Variants in TMEM266 observed in about 807,000 individuals in gnomAD.
TMEM266 encodes the protein transmembrane protein 266, also known as Hv1 related protein 1.
In TMEM266, 33 loss-of-function variants were observed where a neutral mutation model predicts 50.5. That is an observed-to-expected ratio of 0.65 (90% CI 0.50 to 0.87). TMEM266 has a LOEUF of 0.87. Ranked by LOEUF, TMEM266 falls within the 40% of genes least tolerant of loss-of-function variation. The pLI, the probability that TMEM266 is intolerant of heterozygous loss-of-function variation, is 0.00. For missense variants in TMEM266, 655 were observed against 695.1 expected (o/e 0.94, Z 0.65); for synonymous variants, 310 against 292.3 (o/e 1.06, Z -0.62).
chr15:76,201,231 T>G (rs116017456), intron 9 of TMEM266, among the ~76,000 whole-genome samples: 3,591 of 152,284 alleles, frequency 0.024, 139 homozygotes, highest in African/African-American at 0.083. Flanking sequence ...CAGACCATCC[T>G]GTGGCCCCTC....
chr15:76,171,623 T>C (rs1391485549), intron 7 of TMEM266, among the ~76,000 whole-genome samples: 1 of 152,232 alleles, frequency 6.6e-6, no homozygotes, highest in African/African-American at 2.4e-5. Context: ...CACAAGCCCA[T>C]TGACCTGCAA....
At chr15:76,117,305 T>C (rs750760593) in intron 1 of TMEM266, among the ~76,000 whole-genome samples, 3 of 152,130 alleles carry the variant, frequency 2.0e-5, no homozygotes, top group Non-Finnish European at 4.4e-5. Context: ...TACTGATGGC[T>C]TCTCAGAGAC....
At chr15:76,101,326 T>C (rs10519121) in intron 1 of TMEM266, among the ~76,000 whole-genome samples, 9,621 of 152,246 alleles carry the variant, frequency 0.063, 399 homozygotes, top group Middle Eastern at 0.11. Context: ...CAGAACCTTA[T>C]TTACAGGCAC....
At chr15:76,174,382 C>G (rs1291413347) in intron 7 of TMEM266, among the ~76,000 whole-genome samples, 1 of 152,002 alleles carries the variant, frequency 6.6e-6, no homozygotes, top group Non-Finnish European at 1.5e-5. Context: ...GAAATCCCAT[C>G]TCTACTAAAA....
chr15:76,184,401 G>C (rs932653388), intron 8 of TMEM266, among the ~76,000 whole-genome samples: 2 of 152,196 alleles, frequency 1.3e-5, no homozygotes, highest in Non-Finnish European at 1.5e-5. Context: ...CATCTTCACA[G>C]TGGATGGAAA....
rs2038801235 is a variant in TMEM266 at position 76,204,220 on chromosome 15, G to A, written c.1501G>A (p.Val501Ile). The change falls in exon 11 of 11, where the codon GTC (valine) becomes ATC (isoleucine). Residue 501 changes from valine to isoleucine, a missense_variant. Physicochemically the swap from Val to Ile is conservative, Grantham distance 29. This residue lies in a region of TMEM266 where 455 missense variants were observed against 401.8 expected (regional missense o/e 1.13). Transcript: ENST00000388942. ...CTTCACTGTCTTTCAGATCAGGCCT[G>A]TCATCCACTTCCAGCCCACTGTGCC... 1 of 1,614,008 alleles carries A rather than the reference G, an allele frequency of 6.2e-7. No homozygotes were observed. The highest frequency in any genetic ancestry group is 1.1e-5 in the South Asian group (1 of 91,088).
chr15:76,103,435 G>A (rs940643514), intron 1 of TMEM266, among the ~76,000 whole-genome samples: 13 of 152,046 alleles, frequency 8.6e-5, no homozygotes, highest in African/African-American at 1.2e-4. Flanking sequence ...AGGAGGTTAA[G>A]GCTGCAGTAA....
chr15:76,076,177 C>A (rs2141987514), intron 1 of TMEM266, among the ~76,000 whole-genome samples: 1 of 151,988 alleles, frequency 6.6e-6, no homozygotes, highest in South Asian at 2.1e-4. Flanking sequence ...GCTCTTCAAG[C>A]CTTCTAACGT....
In TMEM266 at chr15:76,160,240, T is replaced by A. The variant is rs185148168; in HGVS notation, c.456+72T>A. 2.0e-4 allele frequency: 291 copies of A among 1,452,740 alleles called. 2 individuals carry two copies. In the African/African-American group the frequency reaches 3.9e-3, roughly 19 times the overall value. 90.0% of individuals were successfully genotyped at this position (1,452,740 alleles called of 1,614,324 possible). ...TGTCCTGGGGAAACCAAGGTCTACT[T>A]CTCGAAATGGTTTCTAGCATCAGGT... On this transcript the variant is annotated intron_variant, in intron 5 of 10. Coordinates refer to ENST00000388942, the MANE Select transcript of TMEM266 (RefSeq NM_152335.3). This position sits in a 1 kb window ranked among gnomAD's most constrained non-coding sequence, Gnocchi z 5.7.
chr15:76,149,495 C>T (rs192415593), intron 3 of TMEM266, among the ~76,000 whole-genome samples: 19 of 152,276 alleles, frequency 1.2e-4, no homozygotes, highest in Admixed American at 3.9e-4. Flanking sequence ...TTCTAATGAC[C>T]GTGTATCTAA....
intron 1 of TMEM266, among the ~76,000 whole-genome samples, chr15:76,093,162 G>A (rs1241381994): frequency 1.3e-5 from 2 of 151,152 alleles, no homozygotes; most frequent in Admixed American, 1.3e-4. Flanking sequence ...TATACTTTAA[G>A]TTCTGGGATA....
chr15:76,183,416 G>A (rs1342821377), intron 8 of TMEM266, among the ~76,000 whole-genome samples: 3 of 152,222 alleles, frequency 2.0e-5, no homozygotes, highest in East Asian at 1.9e-4. Flanking sequence ...AAGCCCGGCC[G>A]ATCCTTCTTC....
rs1596137431 is a variant in TMEM266, at chr15:76,152,296, G to A, written c.228-4308G>A. Among the ~76,000 whole-genome samples the A allele has an allele frequency of 2.0e-5, 3 of 152,234 alleles. No individual in the cohort carries two copies. The South Asian group carries it at 6.2e-4, about 31-fold the overall frequency. On this transcript the variant is annotated intron_variant, in intron 3 of 10. Transcript: ENST00000388942. ...CCTGCACGAACTCACTCCCAGACTG[G>A]CACAGTGGAGGGGTGGGTCGCTGAG...
At chr15:76,145,140 A>G (rs925932517) in intron 3 of TMEM266, among the ~76,000 whole-genome samples, 3 of 152,154 alleles carry the variant, frequency 2.0e-5, no homozygotes, top group African/African-American at 7.2e-5. Flanking sequence ...GATTCCTTTC[A>G]TCTCTGCACT....
chr15:76,195,553 G>A (rs962085754), intron 9 of TMEM266, among the ~76,000 whole-genome samples: 2 of 152,252 alleles, frequency 1.3e-5, no homozygotes, highest in African/African-American at 4.8e-5. Context: ...GATGAAAGGA[G>A]CAGATTTACC....
intron 8 of TMEM266, among the ~76,000 whole-genome samples, chr15:76,183,438 C>T (rs1297743783): frequency 6.6e-6 from 1 of 152,140 alleles, no homozygotes; most frequent in African/African-American, 2.4e-5. Context: ...TCCAAGTCCT[C>T]GGAGTCTTCT....
intron 1 of TMEM266, among the ~76,000 whole-genome samples, chr15:76,108,641 A>C (rs1372187825): frequency 6.6e-6 from 1 of 152,176 alleles, no homozygotes; most frequent in Non-Finnish European, 1.5e-5. Context: ...AGCCTGGTCC[A>C]TTGAACTGGG....
At chr15:76,083,417 C>T (rs2036725626) in intron 1 of TMEM266, among the ~76,000 whole-genome samples, 1 of 152,040 alleles carries the variant, frequency 6.6e-6, no homozygotes, top group Non-Finnish European at 1.5e-5. Context: ...TGACACTCGT[C>T]CCTCAGGTGA....
chr15:76,170,234 C>T (rs2959856), intron 6 of TMEM266, among the ~76,000 whole-genome samples: 32,985 of 152,160 alleles, frequency 0.22, 3,981 homozygotes, highest in Non-Finnish European at 0.28. Context: ...GGCTGGGTTT[C>T]CGTTCTGCTT....
Sources: allele counts gnomAD v4.1 joint callset (sites outside exome capture counted in the v4.1 genomes callset), GRCh38; gene constraint gnomAD v4.1.1; regional missense constraint gnomAD v4.1.1; non-coding constraint Gnocchi (gnomAD v3.1); transcripts MANE v1.5; gene names NCBI Gene and HGNC (gene_info 2026-07-23, HGNC 2026-07-21).